SHANK2: variants seen among roughly 807,000 people sequenced by gnomAD.
SHANK2 encodes SH3 and multiple ankyrin repeat domains 2.
SHANK2 carries 43 observed loss-of-function variants against 133.7 expected under a neutral mutation model. The ratio of observed to expected loss-of-function variants is 0.32; its 90% CI spans 0.25 to 0.41. The LOEUF (loss-of-function observed/expected upper bound fraction) is 0.41. Among genes scored for constraint, SHANK2 ranks in the 10% least tolerant of loss-of-function variants. The pLI, the probability that SHANK2 is intolerant of heterozygous loss-of-function variation, is 1.00. For missense variants in SHANK2, 1,994 were observed against 2,235.8 expected (o/e 0.89, Z 2.18); for synonymous variants, 1,017 against 952.8 (o/e 1.07, Z -1.24).
chr11:70,901,430 T>G (rs966858168), intron 10 of SHANK2, among the ~76,000 whole-genome samples: 3 of 152,192 alleles, frequency 2.0e-5, no homozygotes, highest in Non-Finnish European at 4.4e-5. Context: ...GGGGAAGGAC[T>G]AGTCCTGTAA....
chr11:70,711,814 T>C (rs868949660), intron 14 of SHANK2, among the ~76,000 whole-genome samples: 4 of 152,218 alleles, frequency 2.6e-5, no homozygotes, highest in South Asian at 2.1e-4. Context: ...CAGCAGATCA[T>C]TCATCAAGCA....
At chr11:70,816,848 C>G (rs1414724457) in intron 12 of SHANK2, among the ~76,000 whole-genome samples, 3 of 152,220 alleles carry the variant, frequency 2.0e-5, no homozygotes, top group Admixed American at 1.3e-4. Flanking sequence ...CCAGGCCCCC[C>G]TCCCCTGGCT....
At chr11:71,092,047 C>T (rs1951527878) in intron 8 of SHANK2, among the ~76,000 whole-genome samples, 1 of 152,114 alleles carries the variant, frequency 6.6e-6, no homozygotes, top group African/African-American at 2.4e-5. Flanking sequence ...TCAGAAAACA[C>T]CGGTGCTTTC....
intron 2 of SHANK2, among the ~76,000 whole-genome samples, chr11:71,186,670 G>A (rs538353825): frequency 3.9e-5 from 6 of 152,344 alleles, no homozygotes; most frequent in South Asian, 2.1e-4. Context: ...CATAGCCCTC[G>A]ATCACTGAGA....
At chr11:70,840,988 C>T (rs367653389) in intron 11 of SHANK2, among the ~76,000 whole-genome samples, 2 of 152,086 alleles carry the variant, frequency 1.3e-5, no homozygotes, top group African/African-American at 4.8e-5. Context: ...ATAGGCCAGG[C>T]GTGGTGGCTC....
In SHANK2 at chr11:70,762,422, T is replaced by C. The variant is rs147526901; in HGVS notation, c.1777+36021A>G. 4.3e-4 allele frequency among the ~76,000 whole-genome samples: 65 copies of C among 152,078 alleles called. 1 individual carries two copies. Among genetic ancestry groups the C allele is most frequent in the African/African-American group, 1.5e-3 (62 of 41,512 alleles). On this transcript the variant is annotated intron_variant, in intron 14 of 25. Transcript: ENST00000601538. ...CAGAGGAAATGAGAAGGAATGTCAG[T>C]GGTGGGGGCGCCTCTTTTGAGTCTG... is the stretch of plus-strand genomic sequence containing the variant.
At chr11:71,063,441 T>A (rs1951011870) in intron 9 of SHANK2, among the ~76,000 whole-genome samples, 1 of 152,266 alleles carries the variant, frequency 6.6e-6, no homozygotes, top group Non-Finnish European at 1.5e-5. Context: ...TACACGTGTG[T>A]GAACATGTGT....
At chr11:70,933,934 CAAACA>C (rs1950535758) in intron 10 of SHANK2, among the ~76,000 whole-genome samples, 3 of 147,828 alleles carry the variant, frequency 2.0e-5, no homozygotes, top group Non-Finnish European at 4.5e-5. Context: ...AACAAACAAA[CAAACA>C]AAACAACAAC....
At chr11:70,880,651 C>T (rs1231593606) in intron 11 of SHANK2, among the ~76,000 whole-genome samples, 8 of 152,232 alleles carry the variant, frequency 5.3e-5, no homozygotes, top group African/African-American at 1.9e-4. Context: ...GGCTTGTGCC[C>T]TATGCTGGGA....
intron 17 of SHANK2, among the ~76,000 whole-genome samples, chr11:70,595,530 G>C (rs954295478): frequency 6.6e-6 from 1 of 152,162 alleles, no homozygotes; most frequent in African/African-American, 2.4e-5. Context: ...CTGCGAAGGC[G>C]ACGGTGAACT....
At chr11:71,168,466 A>G (rs1308883319) in intron 2 of SHANK2, among the ~76,000 whole-genome samples, 1 of 151,974 alleles carries the variant, frequency 6.6e-6, no homozygotes, top group Non-Finnish European at 1.5e-5. Context: ...TGGGAGGCCA[A>G]GGCAGGCTGC....
chr11:70,557,886 C>G (rs547427100), intron 17 of SHANK2, among the ~76,000 whole-genome samples: 33 of 152,228 alleles, frequency 2.2e-4, no homozygotes, highest in Non-Finnish European at 4.1e-4. Context: ...AGCTCCCAGG[C>G]GTGCCGAGCC....
At chr11:70,876,227 CACACACACACATATAG>C (rs1949559707) in intron 11 of SHANK2, among the ~76,000 whole-genome samples, 1 of 5,728 alleles carries the variant, frequency 1.7e-4, no homozygotes, top group Non-Finnish European at 6.2e-4. Context: ...ATACATAATA[CACACACACACATATAG>C]ACACACACAC....
intron 6 of SHANK2, among the ~76,000 whole-genome samples, chr11:71,100,394 T>A (rs186658813): frequency 6.6e-6 from 1 of 152,352 alleles, no homozygotes; most frequent in Non-Finnish European, 1.5e-5. Context: ...AGTGGATACA[T>A]TATCCATTGC....
rs1478962075 is a variant in SHANK2 at position 70,620,520 on chromosome 11, T to TCTCCCC, written c.2061+39302_2061+39307dup. Among the ~76,000 whole-genome samples, 3 of 151,960 alleles carry TCTCCCC rather than the reference T, an allele frequency of 2.0e-5. No individual in the cohort carries two copies. The East Asian group carries it at 5.8e-4, about 29-fold the overall frequency. ...CCTGGAGGCTGCCTGCCCCGCCTGG[T>TCTCCCC]CTCCCCCACCCCCACCATGGGCGCC... is the stretch of plus-strand genomic sequence containing the variant. On this transcript the variant is annotated intron_variant, in intron 17 of 25. Coordinates refer to ENST00000601538, the MANE Select transcript of SHANK2 (RefSeq NM_012309.5).
intron 3 of SHANK2, among the ~76,000 whole-genome samples, chr11:71,122,901 A>T (rs1221545199): frequency 6.6e-6 from 1 of 152,056 alleles, no homozygotes; most frequent in Non-Finnish European, 1.5e-5. Flanking sequence ...CGTGTCTGGG[A>T]TTTAAGGCAC....
Position 70,618,592 on chromosome 11 carries a change from A to G in SHANK2, c.2061+41236T>C, listed in dbSNP as rs143946113. Among the ~76,000 whole-genome samples the G allele has an allele frequency of 5.3e-5, 8 of 152,308 alleles. No individual in the cohort carries two copies. The East Asian group carries it at 1.4e-3, about 26-fold the overall frequency. Reference sequence around the variant, plus strand: ...ATTCAGTAATTAAGTCATAAAACACAAGGCTGGCTACTTAGAGCAGAATTA... The same window carrying G: ...ATTCAGTAATTAAGTCATAAAACACGAGGCTGGCTACTTAGAGCAGAATTA... On this transcript the variant is annotated intron_variant, in intron 17 of 25. Coordinates refer to ENST00000601538, the MANE Select transcript of SHANK2 (RefSeq NM_012309.5).
chr11:70,602,987 G>A (rs192375934), intron 17 of SHANK2, among the ~76,000 whole-genome samples: 1 of 152,340 alleles, frequency 6.6e-6, no homozygotes, highest in Non-Finnish European at 1.5e-5. Flanking sequence ...GCTGGCCCGT[G>A]GCAGAGGTCG....
Position 71,162,198 on chromosome 11 carries a change from A to G in SHANK2, c.-12-14860T>C, listed in dbSNP as rs35066197. ...TGGGTTATTTATAAAGAAAAGAAGT[A>G]TATTTCTTACAGCTCTGGATGCTGA... is the stretch of plus-strand genomic sequence containing the variant. On this transcript the variant is annotated intron_variant, in intron 2 of 25. Coordinates refer to ENST00000601538, the MANE Select transcript of SHANK2 (RefSeq NM_012309.5). Among the ~76,000 whole-genome samples the G allele has an allele frequency of 3.9e-5, 6 of 152,356 alleles. No homozygotes were observed. The South Asian group carries it at 8.3e-4, about 21-fold the overall frequency.
Sources: gnomAD v4.1 joint callset for allele counts (sites outside exome capture counted in the v4.1 genomes callset) on GRCh38, gnomAD v4.1.1 for gene constraint, MANE v1.5 for transcripts, NCBI Gene and HGNC (gene_info 2026-07-23, HGNC 2026-07-21) for gene names.